The following SYNE3 variants were observed in gnomAD, a reference collection of about 807,000 sequenced individuals.
SYNE3 encodes nesprin-3.
A neutral mutation model predicts 111.2 loss-of-function variants in SYNE3; 100 were observed. That is an observed-to-expected ratio of 0.90 (90% CI 0.77 to 1.06). The LOEUF (loss-of-function observed/expected upper bound fraction) is 1.06. Ranked by LOEUF, SYNE3 falls within the 50% of genes least tolerant of loss-of-function variation. The probability of loss-of-function intolerance (pLI) is 0.00; values close to 1 mark genes in which losing one functional copy is unlikely to be tolerated. For missense variants in SYNE3, 1,160 were observed against 1,240.3 expected (o/e 0.94, Z 0.97); for synonymous variants, 547 against 533.9 (o/e 1.02, Z -0.34).
In SYNE3 at chr14:95,444,640, C is replaced by T. The variant is rs747251468; in HGVS notation, c.1633-12G>A. ...TGAGCGAGCAGGCTCTGCAGAGACA[C>T]AGGACAGTGTGCACATTAAGAGCGT... On this transcript the variant is annotated splice_polypyrimidine_tract_variant and intron_variant, in intron 9 of 17. Coordinates refer to ENST00000682763, the MANE Select transcript of SYNE3 (RefSeq NM_152592.6). 1 of 1,573,476 alleles carries T rather than the reference C, an allele frequency of 6.4e-7. No individual in the cohort carries two copies. The highest frequency in any genetic ancestry group is 1.2e-5 in the South Asian group (1 of 85,984).
At chr14:95,435,146 T>C (rs1194737793) in intron 15 of SYNE3, among the ~76,000 whole-genome samples, 1 of 152,148 alleles carries the variant, frequency 6.6e-6, no homozygotes, top group East Asian at 1.9e-4. Flanking sequence ...TTTACTATGT[T>C]CAAATAATTA....
chr14:95,431,734 C>T (rs934951763), intron 17 of SYNE3, among the ~76,000 whole-genome samples: 4 of 152,222 alleles, frequency 2.6e-5, no homozygotes, highest in Non-Finnish European at 4.4e-5. Context: ...GGGACAGTCC[C>T]GGTTCACACC....
At chr14:95,431,878 T>TC (rs906848623) in intron 17 of SYNE3, among the ~76,000 whole-genome samples, 6 of 152,114 alleles carry the variant, frequency 3.9e-5, no homozygotes, top group African/African-American at 1.2e-4. Context: ...CCTGCCAGCC[T>TC]CCCCCCAAGC....
Position 95,417,733 on chromosome 14 carries a change from C to A in SYNE3, c.*93G>T. ...ATGCAGCTCTGCAGTCTTTGCCCTG[C>A]CCCTGTTTCCAGTTTCCCTGGCGAG... On this transcript the variant is annotated 3_prime_UTR_variant, in exon 18 of 18. Transcript: ENST00000682763. The A allele has an allele frequency of 1.5e-6, 2 of 1,355,518 alleles. No individual in the cohort carries two copies. Among genetic ancestry groups the A allele is most frequent in the Non-Finnish European group, 2.1e-6 (2 of 946,736 alleles). The allele number at this position is 1,355,518 out of a possible 1,614,324, so 84.0% of individuals were successfully genotyped here.
chr14:95,440,300 G>C (rs745319865), intron 11 of SYNE3, among the ~76,000 whole-genome samples: 1 of 152,258 alleles, frequency 6.6e-6, no homozygotes. Context: ...TTAGGAAAAC[G>C]ACCAAGTCTA....
chr14:95,431,397 G>A (rs1458712105), intron 17 of SYNE3, among the ~76,000 whole-genome samples: 1 of 152,162 alleles, frequency 6.6e-6, no homozygotes, highest in South Asian at 2.1e-4. Context: ...CCTCCTAGGT[G>A]TCACTGGGAG....
chr14:95,447,680 G>A (rs897053484), intron 8 of SYNE3, among the ~76,000 whole-genome samples: 1 of 152,172 alleles, frequency 6.6e-6, no homozygotes, highest in African/African-American at 2.4e-5. Context: ...GCCTCTCACT[G>A]TAGGGGAGTC....
At chr14:95,439,199 G>A (rs1886268612) in intron 13 of SYNE3, 37 bp from the exon 14 acceptor site, 1 of 1,613,432 alleles carries the variant, frequency 6.2e-7, no homozygotes, top group Non-Finnish European at 8.5e-7. Context: ...ATGCAGAGAT[G>A]TGGTGGGGAC....
At chr14:95,459,453 T>C (rs545426761) in intron 4 of SYNE3, among the ~76,000 whole-genome samples, 1 of 152,250 alleles carries the variant, frequency 6.6e-6, no homozygotes, top group Non-Finnish European at 1.5e-5. Flanking sequence ...TAGTCTCAGC[T>C]ACTCGGGAGG....
intron 1 of SYNE3, among the ~76,000 whole-genome samples, chr14:95,510,734 G>C (rs1451921373): frequency 6.6e-6 from 1 of 152,294 alleles, no homozygotes; most frequent in East Asian, 1.9e-4. Context: ...GTGGCAGTGA[G>C]CCGAGATTGC....
intron 6 of SYNE3, 152 bp from the exon 7 acceptor site, chr14:95,452,535 A>C: frequency 1.0e-5 from 9 of 886,058 alleles, no homozygotes; most frequent in Non-Finnish European, 1.5e-5. Flanking sequence ...TCTTGAGCTC[A>C]GCCCCTACCC....
At chr14:95,423,700 A>G (rs375302917) in intron 17 of SYNE3, among the ~76,000 whole-genome samples, 4 of 89,856 alleles carry the variant, frequency 4.5e-5, no homozygotes, top group Admixed American at 1.3e-4. Context: ...TGAGGATTTG[A>G]TGGGGATGGG....
intron 17 of SYNE3, among the ~76,000 whole-genome samples, chr14:95,418,531 TATC>T: frequency 6.6e-6 from 1 of 152,174 alleles, no homozygotes; most frequent in East Asian, 1.9e-4. Flanking sequence ...GCATCAAATT[TATC>T]ATCGTCACTT....
At chr14:95,492,852 T>C (rs932964007) in intron 1 of SYNE3, among the ~76,000 whole-genome samples, 5 of 151,422 alleles carry the variant, frequency 3.3e-5, no homozygotes, top group Non-Finnish European at 7.4e-5. Flanking sequence ...CCTGGCTCTA[T>C]TTTTTTTTAA....
chr14:95,444,369 TA>T, intron 10 of SYNE3, 115 bp downstream of exon 10: 1 of 1,411,810 alleles, frequency 7.1e-7, no homozygotes, highest in Non-Finnish European at 9.4e-7. Flanking sequence ...ACTAAGGGTC[TA>T]AATTTCTGGC....
chr14:95,478,937 C>G (rs566387961), intron 1 of SYNE3, among the ~76,000 whole-genome samples: 1 of 152,046 alleles, frequency 6.6e-6, no homozygotes, highest in Non-Finnish European at 1.5e-5. Flanking sequence ...CCCACCGGCA[C>G]ATGTCTGGGA....
At chr14:95,455,829 G>A (rs748987507) in intron 5 of SYNE3, 105 bp from the exon 6 acceptor site, 1 of 1,174,494 alleles carries the variant, frequency 8.5e-7, no homozygotes, top group Non-Finnish European at 1.2e-6. Context: ...ACTGATTCCT[G>A]GAGTCCTGCG....
chr14:95,424,478 T>C (rs1354453437), intron 17 of SYNE3, among the ~76,000 whole-genome samples: 2 of 152,194 alleles, frequency 1.3e-5, no homozygotes, highest in Non-Finnish European at 2.9e-5. Flanking sequence ...TTCTAGTGCC[T>C]CTACCCAGCC....
At chr14:95,440,168 G>A (rs374237166) in intron 11 of SYNE3, 93 bp from the exon 12 acceptor site, 128 of 1,445,986 alleles carry the variant, frequency 8.9e-5, no homozygotes, top group Middle Eastern at 2.6e-4. Context: ...TCTCACACCC[G>A]CTGGGGACCC....
Sources: gnomAD v4.1 joint callset for allele counts (sites outside exome capture counted in the v4.1 genomes callset) on GRCh38, gnomAD v4.1.1 for gene constraint, MANE v1.5 for transcripts, NCBI Gene and HGNC (gene_info 2026-07-23, HGNC 2026-07-21) for gene names.